SH2D4A: variants seen among roughly 807,000 people sequenced by gnomAD.
The protein encoded by SH2D4A is SH2 domain-containing protein 4A.
A neutral mutation model predicts 64.7 loss-of-function variants in SH2D4A; 70 were observed. The ratio of observed to expected loss-of-function variants is 1.08; its 90% CI spans 0.89 to 1.32. The LOEUF (loss-of-function observed/expected upper bound fraction) is 1.32. SH2D4A is among the 40% of genes most tolerant of loss of function. SH2D4A has a pLI of 0.00. For synonymous variants in SH2D4A, 268 were observed against 200.7 expected, an observed-to-expected ratio of 1.34 and a Z score of -2.83; for missense variants, 706 against 540.1, an observed-to-expected ratio of 1.31 and a Z score of -3.04.
At chr8:19,344,521 C>G (rs1023009295) in intron 4 of SH2D4A, among the ~76,000 whole-genome samples, 1 of 152,110 alleles carries the variant, frequency 6.6e-6, no homozygotes, top group Non-Finnish European at 1.5e-5. Flanking sequence ...TCTTTGCTTT[C>G]GAAGAGCGCC....
At chr8:19,340,584 C>G (rs374304280) in intron 4 of SH2D4A, among the ~76,000 whole-genome samples, 26 of 135,186 alleles carry the variant, frequency 1.9e-4, no homozygotes, top group African/African-American at 7.1e-4. Context: ...TGATTTTGTT[C>G]TTTTCTTTCT....
intron 6 of SH2D4A, among the ~76,000 whole-genome samples, chr8:19,362,417 G>A (rs60088496): frequency 0.026 from 3,909 of 152,244 alleles, 149 homozygotes; most frequent in African/African-American, 0.088. Flanking sequence ...GTCATGCGCT[G>A]TATGATGTTT....
At chr8:19,354,236 G>A (rs908172256) in intron 4 of SH2D4A, among the ~76,000 whole-genome samples, 4 of 151,868 alleles carry the variant, frequency 2.6e-5, no homozygotes, top group Non-Finnish European at 5.9e-5. Flanking sequence ...CCTGACCTCA[G>A]GTGATCCACC....
chr8:19,319,875 A>C, intron 2 of SH2D4A, 147 bp downstream of exon 2: 1 of 713,816 alleles, frequency 1.4e-6, no homozygotes, highest in East Asian at 3.0e-5. Flanking sequence ...CTAATAGTGC[A>C]GTATGTCCAC....
chr8:19,368,287 G>A (rs983181808), intron 7 of SH2D4A, among the ~76,000 whole-genome samples: 1 of 152,138 alleles, frequency 6.6e-6, no homozygotes, highest in Non-Finnish European at 1.5e-5. Flanking sequence ...AAGTCATTTA[G>A]TGTGATGCCT....
In SH2D4A at chr8:19,373,455, T is replaced by TATATATATATATACACACACACCC. The variant is rs1554485279; in HGVS notation, c.918-65_918-64insATACACACACACCCATATATATAT. On this transcript the variant is annotated intron_variant, in intron 7 of 9. Transcript: ENST00000265807. ...ATGTATGTGTGTGTGTATATATATA[T>TATATATATATATACACACACACCC]ATATATATATGACTTTTGAGGGCAT... 629 of 962,372 alleles carry TATATATATATATACACACACACCC rather than the reference T, an allele frequency of 6.5e-4. 5 individuals carry two copies. In the African/African-American group the frequency reaches 9.3e-3, roughly 14 times the overall value. 59.6% of individuals were successfully genotyped at this position (962,372 alleles called of 1,614,324 possible).
At position 19,393,324 on chromosome 8, in the gene SH2D4A, T is replaced by A. The variant is rs775335182; in HGVS notation, c.1055T>A (p.Leu352His). The part of the protein sequence containing the change: ...DTIAPWFHGI[L>H]TLKKANELLL... ...TTTTTTTGCTTTGCCACAGGAATTCTCACACTCAAGAAAGCAAATGAACTT... is the reference window on the plus strand; with the variant it reads ...TTTTTTTGCTTTGCCACAGGAATTCACACACTCAAGAAAGCAAATGAACTT... The change falls in exon 9 of 10, where the codon CTC becomes CAC. Residue 352 changes from leucine (L) to histidine (H), a missense_variant. Physicochemically the swap from Leu to His is moderately conservative, Grantham distance 99. Coordinates refer to ENST00000265807, the MANE Select transcript of SH2D4A (RefSeq NM_022071.4). 6.2e-7 allele frequency: 1 copy of A among 1,614,174 alleles called. No homozygotes were observed. The highest frequency in any genetic ancestry group is 1.1e-5 in the South Asian group (1 of 91,086).
At chr8:19,357,051 G>C (rs1007772369) in intron 4 of SH2D4A, 152 bp from the exon 5 acceptor site, 2 of 633,152 alleles carry the variant, frequency 3.2e-6, no homozygotes, top group African/African-American at 3.7e-5. Flanking sequence ...GTCAGGATCG[G>C]CCCAGGAACT....
chr8:19,353,621 A>C (rs56124433), intron 4 of SH2D4A, among the ~76,000 whole-genome samples: 37,925 of 146,044 alleles, frequency 0.26, 5,057 homozygotes, highest in Middle Eastern at 0.39. Flanking sequence ...CCCACCTCAG[A>C]CTCCCAAAGT....
chr8:19,361,377 T>A, intron 6 of SH2D4A, 63 bp downstream of exon 6: 1 of 1,503,828 alleles, frequency 6.6e-7, no homozygotes, highest in Non-Finnish European at 8.9e-7. Context: ...CCCTTAATAA[T>A]GTGATCAATC....
At position 19,319,372 on chromosome 8, in the gene SH2D4A, A is replaced by G. The variant is rs1476628627; in HGVS notation, c.-176A>G. On this transcript the variant is annotated 5_prime_UTR_variant, in exon 2 of 10. Transcript: ENST00000265807. Reference sequence around the variant, plus strand: ...CAGTGAACAGCATTTTGGACAGGACATTTGGTGCCAGGTCTGAGTAGCCAG... The same window carrying G: ...CAGTGAACAGCATTTTGGACAGGACGTTTGGTGCCAGGTCTGAGTAGCCAG... 1.6e-6 allele frequency: 2 copies of G among 1,263,112 alleles called. No individual in the cohort carries two copies. The highest frequency in any genetic ancestry group is 2.0e-6 in the Non-Finnish European group (2 of 1,003,354). 78.2% of individuals were successfully genotyped at this position (1,263,112 alleles called of 1,614,324 possible). A position where few individuals can be genotyped will look rare whatever the true frequency, so the allele number is the denominator to read the frequency against.
chr8:19,364,963 T>A (rs899514229), intron 7 of SH2D4A, among the ~76,000 whole-genome samples: 1 of 152,222 alleles, frequency 6.6e-6, no homozygotes, highest in Non-Finnish European at 1.5e-5. Context: ...CCCTTATGTT[T>A]GCTGATTCTA....
rs187090252 is a variant in SH2D4A at position 19,351,434 on chromosome 8, T to G, written c.514-5769T>G. On this transcript the variant is annotated intron_variant, in intron 4 of 9. Transcript: ENST00000265807. Reference sequence around the variant, plus strand: ...CTGGCTAACACGGTGAAACCCCGTCTCTATTAAAAATACAAAAAATTAGCC... The same window carrying G: ...CTGGCTAACACGGTGAAACCCCGTCGCTATTAAAAATACAAAAAATTAGCC... Among the ~76,000 whole-genome samples, 7 of 152,180 alleles carry G rather than the reference T, an allele frequency of 4.6e-5. No individual in the cohort carries two copies. The East Asian group carries it at 1.4e-3, about 30-fold the overall frequency.
chr8:19,373,455 T>TATATATATATATATACACACACACCC lies in SH2D4A; in HGVS notation c.918-65_918-64insATATACACACACACCCATATATATAT, dbSNP rs1554485279. On this transcript the variant is annotated intron_variant, in intron 7 of 9. Transcript: ENST00000265807. ...ATGTATGTGTGTGTGTATATATATATATATATATATGACTTTTGAGGGCAT... is the reference window on the plus strand; with the variant it reads ...ATGTATGTGTGTGTGTATATATATATATATATATATATATACACACACACCCATATATATATGACTTTTGAGGGCAT... 5.0e-5 allele frequency: 48 copies of TATATATATATATATACACACACACCC among 962,406 alleles called. No homozygotes were observed. In the African/African-American group the frequency reaches 6.4e-4, roughly 13 times the overall value. The allele number at this position is 962,406 out of a possible 1,614,324, so 59.6% of individuals were successfully genotyped here. A position where few individuals can be genotyped will look rare whatever the true frequency, so the allele number is the denominator to read the frequency against.
chr8:19,363,239 C>T (rs910741524), intron 6 of SH2D4A, among the ~76,000 whole-genome samples: 7 of 152,022 alleles, frequency 4.6e-5, no homozygotes, highest in Admixed American at 1.3e-4. Context: ...CCATGCTCAG[C>T]TAATTTTTTG....
At chr8:19,367,829 A>C (rs1314238698) in intron 7 of SH2D4A, among the ~76,000 whole-genome samples, 1 of 152,050 alleles carries the variant, frequency 6.6e-6, no homozygotes, top group Non-Finnish European at 1.5e-5. Flanking sequence ...TAATCCCAGC[A>C]CTTTGGGAGG....
At chr8:19,328,439 G>A (rs573805781) in intron 2 of SH2D4A, among the ~76,000 whole-genome samples, 2 of 152,114 alleles carry the variant, frequency 1.3e-5, no homozygotes, top group South Asian at 2.1e-4. Flanking sequence ...CCCAGTTAGC[G>A]AGTTTCAGGA....
intron 2 of SH2D4A, among the ~76,000 whole-genome samples, chr8:19,324,682 G>A (rs1449108436): frequency 2.0e-5 from 3 of 152,074 alleles, no homozygotes; most frequent in African/African-American, 4.8e-5. Flanking sequence ...TATTCCCCAG[G>A]GGGTGCCTCA....
At chr8:19,357,162 G>C (rs2052804836) in intron 4 of SH2D4A, 41 bp from the exon 5 acceptor site, 1 of 1,470,828 alleles carries the variant, frequency 6.8e-7, no homozygotes, top group East Asian at 2.3e-5. Context: ...AAACTGCACT[G>C]CAGCTCCAAA....
Sources: allele counts gnomAD v4.1 joint callset (sites outside exome capture counted in the v4.1 genomes callset), GRCh38; gene constraint gnomAD v4.1.1; transcripts MANE v1.5; gene names NCBI Gene and HGNC (gene_info 2026-07-23, HGNC 2026-07-21).